The following MYOF variants were observed in gnomAD, a reference collection of about 807,000 sequenced individuals.
The protein encoded by MYOF is myoferlin, also known as fer-1-like 3, myoferlin.
In MYOF, 244 loss-of-function variants were observed where a neutral mutation model predicts 284.2. The observed-to-expected ratio is 0.86, with a 90% CI of 0.77 to 0.95. The LOEUF (loss-of-function observed/expected upper bound fraction) is 0.95. MYOF is among the 40% of genes least tolerant of loss of function. The pLI is 0.00. For missense variants in MYOF, 2,496 were observed against 2,560.6 expected (o/e 0.97, Z 0.54); for synonymous variants, 904 against 919.7 (o/e 0.98, Z 0.31).
At chr10:93,451,074 T>G (rs955552900) in intron 3 of MYOF, among the ~76,000 whole-genome samples, 1 of 152,112 alleles carries the variant, frequency 6.6e-6, no homozygotes, top group Non-Finnish European at 1.5e-5. Flanking sequence ...GCACGGTAGC[T>G]CACACCTGTA....
chr10:93,363,153 A>T (rs946194596), intron 27 of MYOF, among the ~76,000 whole-genome samples: 1 of 152,248 alleles, frequency 6.6e-6, no homozygotes, highest in African/African-American at 2.4e-5. Context: ...AATGTCCAAG[A>T]TATATTGTTA....
intron 50 of MYOF, among the ~76,000 whole-genome samples, chr10:93,315,172 C>T (rs1842563559): frequency 1.3e-5 from 2 of 152,144 alleles, no homozygotes; most frequent in South Asian, 4.1e-4. Context: ...TAGTCAAAAC[C>T]ATTGCATTAG....
chr10:93,374,621 T>C, intron 23 of MYOF, 142 bp downstream of exon 23: 1 of 772,224 alleles, frequency 1.3e-6, no homozygotes, highest in Non-Finnish European at 1.9e-6. Context: ...GCCCAGTTAC[T>C]CCCTGATTTT....
intron 1 of MYOF, among the ~76,000 whole-genome samples, chr10:93,479,610 A>G (rs2057345722): frequency 6.6e-6 from 1 of 152,170 alleles, no homozygotes; most frequent in African/African-American, 2.4e-5. Flanking sequence ...GGAACTAGAA[A>G]ATTAGAATCT....
chr10:93,399,643 G>C, intron 12 of MYOF, 148 bp from the exon 13 acceptor site: 1 of 601,484 alleles, frequency 1.7e-6, no homozygotes, highest in Non-Finnish European at 2.9e-6. Context: ...AGAGGCCAAG[G>C]CTGGTGGATC....
intron 5 of MYOF, among the ~76,000 whole-genome samples, chr10:93,424,704 A>G (rs1848503762): frequency 6.6e-6 from 1 of 152,170 alleles, no homozygotes; most frequent in Non-Finnish European, 1.5e-5. Flanking sequence ...CAAAACATTC[A>G]TAATGGGTGC....
At position 93,359,407 on chromosome 10, in the gene MYOF, A is replaced by G. The variant is rs1364888247; in HGVS notation, c.3120+426T>C. Among the ~76,000 whole-genome samples, 5 of 152,362 alleles carry G rather than the reference A, an allele frequency of 3.3e-5. No homozygotes were observed. In the East Asian group the frequency reaches 9.6e-4, roughly 29 times the overall value. On this transcript the variant is annotated intron_variant, in intron 29 of 53. Transcript: ENST00000359263. ...AATACCCTAATTAAAAGGCATAGAT[A>G]TTATTCCCATTTTGCAGATGAGAAA...
intron 3 of MYOF, among the ~76,000 whole-genome samples, chr10:93,437,783 C>A (rs892094896): frequency 6.6e-6 from 1 of 152,162 alleles, no homozygotes; most frequent in Admixed American, 6.5e-5. Context: ...CAAGGCTGGA[C>A]CCCATCTCCC....
At chr10:93,350,593 G>A (rs766790613) in intron 35 of MYOF, among the ~76,000 whole-genome samples, 5 of 152,260 alleles carry the variant, frequency 3.3e-5, no homozygotes, top group Non-Finnish European at 5.9e-5. Flanking sequence ...AATTACAGGC[G>A]TGAGCTACTG....
intron 38 of MYOF, among the ~76,000 whole-genome samples, chr10:93,342,204 G>A (rs1047542444): frequency 6.6e-6 from 1 of 152,220 alleles, no homozygotes; most frequent in Admixed American, 6.5e-5. Context: ...TTATTTTTGA[G>A]GCATTCCCTC....
At chr10:93,370,312 TA>T (rs754376836) in intron 24 of MYOF, among the ~76,000 whole-genome samples, 1,944 of 106,250 alleles carry the variant, frequency 0.018, 57 homozygotes, top group South Asian at 0.028. Context: ...TAATGATTAC[TA>T]ATTTTTTTTT....
chr10:93,323,349 GAA>G lies in MYOF; in HGVS notation c.5279_5280del (p.Leu1760ProfsTer54), dbSNP rs747859175. On this transcript the variant is annotated frameshift_variant, in exon 47 of 54. Coordinates refer to ENST00000359263, the MANE Select transcript of MYOF (RefSeq NM_013451.4). LOFTEE classifies it high-confidence loss of function. ...TTGGGGAAAACATCCACCCACATCTGAAGTTTTCCCTAAACCATTTGAAAATG... is the reference window on the plus strand; with the variant it reads ...TTGGGGAAAACATCCACCCACATCTGGTTTTCCCTAAACCATTTGAAAATG... ...TFQPNISQGK[L>X]QMWVDVFPKS... The G allele has an allele frequency of 1.9e-6, 3 of 1,611,142 alleles. No homozygotes were observed. The highest frequency in any genetic ancestry group is 2.5e-6 in the Non-Finnish European group (3 of 1,177,630).
rs562483792 is a variant in MYOF, at chr10:93,403,006, A to G, written c.844-116T>C. The G allele has an allele frequency of 5.7e-6, 5 of 880,006 alleles. 1 individual carries two copies. The South Asian group carries it at 8.1e-5, about 14-fold the overall frequency. 54.5% of individuals were successfully genotyped at this position (880,006 alleles called of 1,614,324 possible). On this transcript the variant is annotated intron_variant, in intron 9 of 53. Transcript: ENST00000359263. The stretch of plus-strand genomic sequence containing the variant: ...TCTTGATTACACTTAAATTTCCTTG[A>G]GACCCAACATTTCCGTCTTATCCTC...
At chr10:93,393,125 A>T (rs1023144502) in intron 16 of MYOF, among the ~76,000 whole-genome samples, 170 bp from the exon 17 acceptor site, 1 of 152,180 alleles carries the variant, frequency 6.6e-6, no homozygotes, top group African/African-American at 2.4e-5. Context: ...TACAATTCTC[A>T]TCGGTTAAAT....
intron 5 of MYOF, among the ~76,000 whole-genome samples, chr10:93,412,036 A>T (rs1847919330): frequency 6.6e-6 from 1 of 152,172 alleles, no homozygotes; most frequent in Non-Finnish European, 1.5e-5. Context: ...TCAAGTAGCC[A>T]TGGACCCACA....
Position 93,347,097 on chromosome 10 carries a change from C to T in MYOF, c.4249+520G>A, listed in dbSNP as rs141992814. On this transcript the variant is annotated intron_variant, in intron 37 of 53. Transcript: ENST00000359263. The stretch of plus-strand genomic sequence containing the variant: ...ATGCCACCCACCCCTAAAACAAGGC[C>T]GAGATTCCAGCCCAGCTCTGCCACT... 4.3e-3 allele frequency among the ~76,000 whole-genome samples: 653 copies of T among 152,298 alleles called. 6 individuals carry two copies. Among genetic ancestry groups the T allele is most frequent in the South Asian group, 0.036 (176 of 4,824 alleles).
At chr10:93,353,090 T>TA (rs1165937881) in intron 32 of MYOF, among the ~76,000 whole-genome samples, 1 of 152,018 alleles carries the variant, frequency 6.6e-6, no homozygotes, top group Non-Finnish European at 1.5e-5. Flanking sequence ...GGAAATGGGT[T>TA]AAGAGGTGTT....
intron 15 of MYOF, among the ~76,000 whole-genome samples, chr10:93,396,825 A>G (rs963151042): frequency 1.3e-5 from 2 of 152,224 alleles, no homozygotes; most frequent in African/African-American, 4.8e-5. Context: ...AAATTCTATC[A>G]GAACATTTCA....
At chr10:93,413,434 C>CT (rs1293081861) in intron 5 of MYOF, among the ~76,000 whole-genome samples, 1 of 152,208 alleles carries the variant, frequency 6.6e-6, no homozygotes, top group Non-Finnish European at 1.5e-5. Flanking sequence ...GAGGGGGCCC[C>CT]TATGGCACTG....
Sources: allele counts gnomAD v4.1 joint callset (sites outside exome capture counted in the v4.1 genomes callset), GRCh38; gene constraint gnomAD v4.1.1; transcripts MANE v1.5; gene names NCBI Gene and HGNC (gene_info 2026-07-23, HGNC 2026-07-21).